SLC45A1: variants seen among roughly 807,000 people sequenced by gnomAD.
SLC45A1 encodes the protein solute carrier family 45 member 1.
Under a neutral mutation model 57.6 loss-of-function variants are expected in SLC45A1, and 28 were observed. That is an observed-to-expected ratio of 0.49 (90% CI 0.36 to 0.67). The LOEUF (loss-of-function observed/expected upper bound fraction) is 0.67, where lower values mean the gene tolerates loss of function less well. SLC45A1 is among the 30% of genes least tolerant of loss of function. The pLI is 0.00. For missense variants in SLC45A1, 814 were observed against 1,041.5 expected, an observed-to-expected ratio of 0.78 and a Z score of 3.01; for synonymous variants, 459 against 471.5, an observed-to-expected ratio of 0.97 and a Z score of 0.34.
chr1:8,321,140 T>C (rs1483766599), intron 1 of SLC45A1, among the ~76,000 whole-genome samples: 1 of 152,192 alleles, frequency 6.6e-6, no homozygotes, highest in Non-Finnish European at 1.5e-5. Flanking sequence ...CACCAGGTTT[T>C]ACCATGCAGA....
At chr1:8,319,147 G>T (rs1051265863) in intron 1 of SLC45A1, among the ~76,000 whole-genome samples, 1 of 152,190 alleles carries the variant, frequency 6.6e-6, no homozygotes, top group East Asian at 1.9e-4. Flanking sequence ...GGGCGTGGTG[G>T]CACATGCCTG....
chr1:8,333,433 G>A (rs535045369), intron 5 of SLC45A1, among the ~76,000 whole-genome samples: 13 of 150,984 alleles, frequency 8.6e-5, no homozygotes, highest in Non-Finnish European at 1.6e-4. Context: ...CACCATGCCC[G>A]GCCTTGTTTG....
Position 8,330,196 on chromosome 1 carries a change from T to A in SLC45A1, c.716-13T>A. On this transcript the variant is annotated splice_polypyrimidine_tract_variant and intron_variant, in intron 4 of 8. Coordinates refer to ENST00000471889, the MANE Select transcript of SLC45A1 (RefSeq NM_001080397.3). This position sits in a 1 kb window ranked among gnomAD's most constrained non-coding sequence, Gnocchi z 8.4. ...CCCGCAGAAGGGAACTCAAACCCTG[T>A]CTCTTTCCCCAGGTCTCGGAGGAGG... 1 of 1,609,146 alleles carries A rather than the reference T, an allele frequency of 6.2e-7. No individual in the cohort carries two copies. The highest frequency in any genetic ancestry group is 1.1e-5 in the South Asian group (1 of 90,822).
chr1:8,339,439 A>T, intron 7 of SLC45A1, 54 bp from the exon 8 acceptor site: 1 of 1,582,058 alleles, frequency 6.3e-7, no homozygotes, highest in Admixed American at 1.7e-5. Flanking sequence ...CTGGAAGCTG[A>T]ATCCCCGGAG....
chr1:8,319,003 G>T (rs61785826), intron 1 of SLC45A1, among the ~76,000 whole-genome samples: 19,852 of 152,214 alleles, frequency 0.13, 1,866 homozygotes, highest in Non-Finnish European at 0.19. Context: ...ATGAGGGGTC[G>T]GGCGCGGTGG....
intron 1 of SLC45A1, among the ~76,000 whole-genome samples, chr1:8,320,692 T>TACACACACACACAC (rs57414432): frequency 3.9e-5 from 4 of 101,316 alleles, no homozygotes; most frequent in African/African-American, 1.3e-4. Flanking sequence ...TCTCTCTCTC[T>TACACACACACACAC]ACACACACAC....
In SLC45A1 at chr1:8,325,903, C is replaced by A. The variant is rs1479531822; in HGVS notation, c.576C>A (p.Gly192=). 6.2e-7 allele frequency: 1 copy of A among 1,614,050 alleles called. No homozygotes were observed. The highest frequency in any genetic ancestry group is 1.1e-5 in the South Asian group (1 of 91,086). Residue 192 remains glycine, a synonymous_variant, in exon 4 of 9, where the codon GGC becomes GGA. Coordinates refer to ENST00000471889, the MANE Select transcript of SLC45A1 (RefSeq NM_001080397.3). The surrounding 1 kb of genome is among the most constrained non-coding windows in gnomAD (Gnocchi z 6.3). ...LADVTGNHKW[G]LLLTVCGVVL... is the part of the protein sequence containing the mutation. ...ACGTGACCGGGAACCACAAGTGGGG[C>A]CTGCTGCTGACCGTGTGCGGTGTGG...
At chr1:8,334,688 G>A (rs891695577) in intron 5 of SLC45A1, among the ~76,000 whole-genome samples, 3 of 152,248 alleles carry the variant, frequency 2.0e-5, no homozygotes, top group African/African-American at 7.2e-5. Context: ...AGGCGACAGA[G>A]CGAAACTGTC....
Position 8,328,912 on chromosome 1 carries a change from G to C in SLC45A1, c.716-1297G>C, listed in dbSNP as rs1640285332. On this transcript the variant is annotated intron_variant, in intron 4 of 8. Coordinates refer to ENST00000471889, the MANE Select transcript of SLC45A1 (RefSeq NM_001080397.3). The surrounding 1 kb of genome is among the most constrained non-coding windows in gnomAD (Gnocchi z 4.6). ...TGGATAAGGGTCACGAACAGCAATGGTGTCTTTCAGGAGGGGAGGAGGGAA... is the reference window on the plus strand; with the variant it reads ...TGGATAAGGGTCACGAACAGCAATGCTGTCTTTCAGGAGGGGAGGAGGGAA... Among the ~76,000 whole-genome samples, 1 of 152,150 alleles carries C rather than the reference G, an allele frequency of 6.6e-6. No homozygotes were observed. Among genetic ancestry groups the C allele is most frequent in the Non-Finnish European group, 1.5e-5 (1 of 68,002 alleles).
Position 8,326,324 on chromosome 1 carries a change from C to T in SLC45A1, c.715+282C>T, listed in dbSNP as rs574968532. ...GTAGTTATGTTCTGCAGAGTCACCACAAACACTGAATTAGCAAACACCGCA... is the reference window on the plus strand; with the variant it reads ...GTAGTTATGTTCTGCAGAGTCACCATAAACACTGAATTAGCAAACACCGCA... On this transcript the variant is annotated intron_variant, in intron 4 of 8. Transcript: ENST00000471889. This position sits in a 1 kb window ranked among gnomAD's most constrained non-coding sequence, Gnocchi z 5.5. Among the ~76,000 whole-genome samples, 3 of 152,346 alleles carry T rather than the reference C, an allele frequency of 2.0e-5. No individual in the cohort carries two copies. In the South Asian group the frequency reaches 6.2e-4, roughly 32 times the overall value.
In SLC45A1 at chr1:8,324,566, C is replaced by A. The variant is rs779076880; in HGVS notation, c.237C>A (p.His79Gln). ...AGCTGGTGGACTTCGGGGACCTGCA[C>A]CCCCAGAGGTCCTTCCGGGAGCTGC... ...PLELVDFGDLHPQRSFRELLF... is the reference protein window; with the variant it reads ...PLELVDFGDLQPQRSFRELLF... Residue 79 changes from histidine (H) to glutamine (Q), a missense_variant, in exon 2 of 9, where the codon CAC becomes CAA. Physicochemically the swap from His to Gln is conservative, Grantham distance 24. Transcript: ENST00000471889. 1.5e-5 allele frequency: 24 copies of A among 1,612,720 alleles called. 1 individual carries two copies. In the Admixed American group the frequency reaches 3.7e-4, roughly 25 times the overall value.
chr1:8,326,670 A>C lies in SLC45A1; in HGVS notation c.715+628A>C, dbSNP rs9628987. ...AAAAATGTAAAAAAGGTGGCACTAA[A>C]TAGACCACACAAAAAACTCTTGTTT... On this transcript the variant is annotated intron_variant, in intron 4 of 8. Coordinates refer to ENST00000471889, the MANE Select transcript of SLC45A1 (RefSeq NM_001080397.3). The surrounding 1 kb of genome is among the most constrained non-coding windows in gnomAD (Gnocchi z 5.5). 0.14 allele frequency among the ~76,000 whole-genome samples: 21,328 copies of C among 152,252 alleles called. 1,793 individuals are homozygous for C. Among genetic ancestry groups the C allele is most frequent in the South Asian group, 0.29 (1,408 of 4,828 alleles).
At chr1:8,323,946 T>C (rs537612622) in intron 1 of SLC45A1, among the ~76,000 whole-genome samples, 23 of 152,244 alleles carry the variant, frequency 1.5e-4, no homozygotes, top group African/African-American at 4.3e-4. Context: ...GCCCTGGAAA[T>C]GGGCCGCAGG....
chr1:8,341,710 G>A lies in SLC45A1; in HGVS notation c.1980+2012G>A, dbSNP rs535641224. On this transcript the variant is annotated intron_variant, in intron 8 of 8. Coordinates refer to ENST00000471889, the MANE Select transcript of SLC45A1 (RefSeq NM_001080397.3). ...GGCCGAGGCAGATGGATCACTTGAG[G>A]TCAAGAGTTCAAGATCAGCCTGGCC... Among the ~76,000 whole-genome samples the A allele has an allele frequency of 1.8e-4, 27 of 149,128 alleles. No homozygotes were observed. In the East Asian group the frequency reaches 5.4e-3, roughly 30 times the overall value.
intron 7 of SLC45A1, among the ~76,000 whole-genome samples, chr1:8,338,753 C>T (rs1338584409): frequency 1.3e-5 from 2 of 152,222 alleles, no homozygotes; most frequent in African/African-American, 4.8e-5. Context: ...ACAAAATATT[C>T]ATCTTTTTTT....
chr1:8,344,137 A>G lies in SLC45A1; in HGVS notation c.*124A>G, dbSNP rs777486219. The G allele has an allele frequency of 7.8e-6, 7 of 898,470 alleles. No homozygotes were observed. The highest frequency in any genetic ancestry group is 2.6e-5 in the East Asian group (1 of 38,098). The allele number at this position is 898,470 out of a possible 1,614,324, so 55.7% of individuals were successfully genotyped here. Reference sequence around the variant, plus strand: ...CTGCCTACTGGAATGTAAATATGTGATAAAATAATAAATGACAGCGGCAAA... The same window carrying G: ...CTGCCTACTGGAATGTAAATATGTGGTAAAATAATAAATGACAGCGGCAAA... On this transcript the variant is annotated 3_prime_UTR_variant, in exon 9 of 9. Transcript: ENST00000471889.
At chr1:8,318,239 G>A (rs1639884618) in intron 1 of SLC45A1, 53 bp downstream of exon 1, 1 of 413,086 alleles carries the variant, frequency 2.4e-6, no homozygotes. Flanking sequence ...CGTGCCTGCC[G>A]GGGCGCCGCG....
rs964504000 is a variant in SLC45A1, at chr1:8,325,535, C to G, written c.490+145C>G. 2 of 656,986 alleles carry G rather than the reference C, an allele frequency of 3.0e-6. No homozygotes were observed. Among genetic ancestry groups the G allele is most frequent in the East Asian group, 2.7e-5 (1 of 36,864 alleles). 40.7% of individuals were successfully genotyped at this position (656,986 alleles called of 1,614,324 possible). On this transcript the variant is annotated intron_variant, in intron 3 of 8. Coordinates refer to ENST00000471889, the MANE Select transcript of SLC45A1 (RefSeq NM_001080397.3). The surrounding 1 kb of genome is among the most constrained non-coding windows in gnomAD (Gnocchi z 6.3). Reference sequence around the variant, plus strand: ...GCACTGGTGTGAGGCAGGGAGTGCCCCGCAACCTGGCCTCAGTTAACTGTG... The same window carrying G: ...GCACTGGTGTGAGGCAGGGAGTGCCGCGCAACCTGGCCTCAGTTAACTGTG...
chr1:8,330,356 T>C lies in SLC45A1; in HGVS notation c.863T>C (p.Ile288Thr). 1.2e-6 allele frequency: 2 copies of C among 1,613,266 alleles called. No individual in the cohort carries two copies. The highest frequency in any genetic ancestry group is 1.7e-6 in the Non-Finnish European group (2 of 1,179,986). ...SVTTVLTLVSIPERPLRPPSE... is the reference protein window; with the variant it reads ...SVTTVLTLVSTPERPLRPPSE... ...ACCACCGTCCTGACCCTGGTCAGCA[T>C]CCCTGAGAGGCCGCTGCGGCCGCCG... Residue 288 changes from isoleucine (I) to threonine (T), a missense_variant, in exon 5 of 9, where the codon ATC (isoleucine) becomes ACC (threonine). Coordinates refer to ENST00000471889, the MANE Select transcript of SLC45A1 (RefSeq NM_001080397.3). The surrounding 1 kb of genome is among the most constrained non-coding windows in gnomAD (Gnocchi z 8.4).
Sources: gnomAD v4.1 joint callset for allele counts (sites outside exome capture counted in the v4.1 genomes callset) on GRCh38, gnomAD v4.1.1 for gene constraint, Gnocchi (gnomAD v3.1) non-coding constraint, MANE v1.5 for transcripts, NCBI Gene and HGNC (gene_info 2026-07-23, HGNC 2026-07-21) for gene names.